ZNF544: variants seen among roughly 807,000 people sequenced by gnomAD.
ZNF544 encodes zinc finger protein AF020591.
Under a neutral mutation model 13.5 loss-of-function variants are expected in ZNF544, and 10 were observed. That is an observed-to-expected ratio of 0.74 (90% CI 0.46 to 1.25). ZNF544 has a LOEUF of 1.25. Among genes scored for constraint, ZNF544 ranks in the 50% most tolerant of loss-of-function variants. The pLI is 0.00. For synonymous variants in ZNF544, 323 were observed against 300.5 expected (o/e 1.07, Z -0.77); for missense variants, 896 against 845.6 (o/e 1.06, Z -0.74).
rs953407959 is a variant in ZNF544 at position 58,262,962 on chromosome 19, A to G, written c.*208A>G. On this transcript the variant is annotated 3_prime_UTR_variant, in exon 7 of 7. Transcript: ENST00000687789. ...TTCAATGATCGCTCAACCCTTAGTA[A>G]ACACGAGAGGACACACACTGGAGGC... is the stretch of plus-strand genomic sequence containing the variant. 2.9e-5 allele frequency: 40 copies of G among 1,367,094 alleles called. No individual in the cohort carries two copies. The highest frequency in any genetic ancestry group is 3.3e-5 in the Non-Finnish European group (35 of 1,060,018). 84.7% of individuals were successfully genotyped at this position (1,367,094 alleles called of 1,614,324 possible).
At chr19:58,230,247 C>T (rs146780995) in intron 2 of ZNF544, 147 bp from the exon 3 acceptor site, 143 of 152,362 alleles carry the variant, frequency 9.4e-4, no homozygotes, top group African/African-American at 3.2e-3. Flanking sequence ...GTATGAGGAA[C>T]AGATGGGGAA....
chr19:58,267,899 T>G (rs1446924250), downstream of ZNF544, among the ~76,000 whole-genome samples: 1 of 151,098 alleles, frequency 6.6e-6, no homozygotes, highest in Non-Finnish European at 1.5e-5. Context: ...GAGAATGGCG[T>G]GAACTCAGGA....
At chr19:58,244,634 G>C (rs566949209) in intron 4 of ZNF544, among the ~76,000 whole-genome samples, 1 of 151,980 alleles carries the variant, frequency 6.6e-6, no homozygotes, top group African/African-American at 2.4e-5. Flanking sequence ...GGAGTGCAGC[G>C]GCATGATCTT....
chr19:58,262,142 G>A lies in ZNF544; in HGVS notation c.1536G>A (p.Arg512=), dbSNP rs753848023. ...SQKYDLVVHQ[R]THTGEKPYEC... is the part of the protein sequence containing the mutation. ...AGTATGACCTTGTTGTACATCAGAG[G>A]ACACACACTGGAGAGAAGCCCTATG... The change falls in exon 7 of 7, where the codon AGG becomes AGA. Residue 512 remains arginine (R), a synonymous_variant. Transcript: ENST00000687789. The A allele has an allele frequency of 4.3e-6, 7 of 1,612,462 alleles. No individual in the cohort carries two copies. In the South Asian group the frequency reaches 6.6e-5, roughly 15 times the overall value.
chr19:58,276,691 C>A (rs1447050850), intron 6 of ZNF544, among the ~76,000 whole-genome samples: 1 of 152,204 alleles, frequency 6.6e-6, no homozygotes, highest in Non-Finnish European at 1.5e-5. Flanking sequence ...TGGTCTCAAA[C>A]TCCTGACCTC....
intron 5 of ZNF544, among the ~76,000 whole-genome samples, chr19:58,272,505 G>C (rs1417833836): frequency 6.6e-6 from 1 of 151,994 alleles, no homozygotes; most frequent in African/African-American, 2.4e-5. Context: ...GCAGTGAGCT[G>C]AGATTGCACC....
intron 5 of ZNF544, chr19:58,276,198 A>G (rs73941803): frequency 2.3e-6 from 1 of 434,948 alleles, no homozygotes; most frequent in African/African-American, 2.0e-5. Flanking sequence ...AAACAACAAA[A>G]AAAGAACACA....
chr19:58,272,872 C>T (rs541852183), intron 5 of ZNF544, among the ~76,000 whole-genome samples: 5 of 128,592 alleles, frequency 3.9e-5, no homozygotes, highest in South Asian at 2.5e-4. Context: ...GTCTCCTTCT[C>T]AAAAAAAAAA....
In ZNF544 at chr19:58,246,801, G is replaced by A; in HGVS notation, c.244+7G>A. 1 of 1,613,612 alleles carries A rather than the reference G, an allele frequency of 6.2e-7. No individual in the cohort carries two copies. The highest frequency in any genetic ancestry group is 8.5e-7 in the Non-Finnish European group (1 of 1,179,606). ...GAGCAGGAGGCCCCCCGAGGTAAGA[G>A]CAGACCTTGTGGTGAGCAGCTCAAC... is the stretch of plus-strand genomic sequence containing the variant. On this transcript the variant is annotated splice_region_variant and intron_variant, in intron 6 of 6. Coordinates refer to ENST00000687789, the MANE Select transcript of ZNF544 (RefSeq NM_014480.4).
At chr19:58,234,152 G>A (rs1262676954) in intron 3 of ZNF544, among the ~76,000 whole-genome samples, 1 of 152,110 alleles carries the variant, frequency 6.6e-6, no homozygotes, top group African/African-American at 2.4e-5. Flanking sequence ...GCCCAGCAAT[G>A]CCTTCTCTCT....
intron 1 of ZNF544, 195 bp from the exon 2 acceptor site, chr19:58,229,273 A>ACTGGGTGGG (rs2040629190): frequency 6.7e-4 from 58 of 86,298 alleles, no homozygotes; most frequent in South Asian, 1.5e-3. Flanking sequence ...GCAGGGGTGG[A>ACTGGGTGGG]ACTGGGTGGG....
At chr19:58,250,948 T>C (rs1255329530) in intron 6 of ZNF544, among the ~76,000 whole-genome samples, 1 of 152,190 alleles carries the variant, frequency 6.6e-6, no homozygotes, top group Non-Finnish European at 1.5e-5. Context: ...CATTAACTGC[T>C]GGAGGGGTAA....
At position 58,261,172 on chromosome 19, in the gene ZNF544, C is replaced by G; in HGVS notation, c.566C>G (p.Ser189Ter). 1 of 1,614,126 alleles carries G rather than the reference C, an allele frequency of 6.2e-7. No individual in the cohort carries two copies. The highest frequency in any genetic ancestry group is 1.7e-5 in the Admixed American group (1 of 60,018). ...PTSTGFPKPN[S>*]QVKELKQNSA... is the part of the protein sequence containing the mutation. ...AGTACAGGTTTCCCTAAGCCCAACTCACAAGTTAAAGAGTTGAAACAAAAT... is the reference window on the plus strand; with the variant it reads ...AGTACAGGTTTCCCTAAGCCCAACTGACAAGTTAAAGAGTTGAAACAAAAT... The change falls in exon 7 of 7, where the codon TCA becomes TGA. Residue 189 changes from serine to a stop codon, truncating the protein, a stop_gained. Transcript: ENST00000687789. LOFTEE classifies it low-confidence loss of function (END_TRUNC).
chr19:58,269,001 T>C (rs909068524), downstream of ZNF544, among the ~76,000 whole-genome samples: 2 of 152,222 alleles, frequency 1.3e-5, no homozygotes, highest in African/African-American at 4.8e-5. Context: ...AGAGGAACTT[T>C]TACTTTCCAC....
At chr19:58,257,284 A>G (rs1194086821) in intron 6 of ZNF544, 1 of 152,234 alleles carries the variant, frequency 6.6e-6, no homozygotes, top group African/African-American at 2.4e-5. Context: ...AAGCAACAAA[A>G]GCATAGCTGT....
intron 5 of ZNF544, among the ~76,000 whole-genome samples, chr19:58,269,831 G>C (rs910629085): frequency 6.6e-5 from 10 of 152,082 alleles, no homozygotes; most frequent in African/African-American, 2.4e-4. Flanking sequence ...TGACGCAGGA[G>C]TATCACTTGA....
At chr19:58,254,355 T>G (rs1324876716) in intron 6 of ZNF544, among the ~76,000 whole-genome samples, 1 of 152,214 alleles carries the variant, frequency 6.6e-6, no homozygotes, top group African/African-American at 2.4e-5. Flanking sequence ...ATCAAGTGTT[T>G]CCTCCTTAGA....
At chr19:58,236,593 A>G (rs146319295) in intron 3 of ZNF544, among the ~76,000 whole-genome samples, 47 of 152,240 alleles carry the variant, frequency 3.1e-4, no homozygotes, top group African/African-American at 1.1e-3. Flanking sequence ...AAAATAGTAC[A>G]GAGTATCTTG....
chr19:58,250,253 C>A (rs1051890978), intron 6 of ZNF544, among the ~76,000 whole-genome samples: 2 of 152,178 alleles, frequency 1.3e-5, no homozygotes, highest in African/African-American at 2.4e-5. Flanking sequence ...TGGAAAGGAC[C>A]TTGGGAAATA....
Sources: allele counts gnomAD v4.1 joint callset (sites outside exome capture counted in the v4.1 genomes callset), GRCh38; gene constraint gnomAD v4.1.1; transcripts MANE v1.5; gene names NCBI Gene and HGNC (gene_info 2026-07-23, HGNC 2026-07-21).